The following DLL1 variants were observed in gnomAD, a reference collection of about 807,000 sequenced individuals.
DLL1 encodes the protein delta-like protein 1.
DLL1 carries 9 observed loss-of-function variants against 75.1 expected under a neutral mutation model. That is an observed-to-expected ratio of 0.12 (90% confidence interval 0.07 to 0.21). DLL1 has a LOEUF of 0.21. Ranked by LOEUF, DLL1 falls within the 10% of genes least tolerant of loss-of-function variation. The probability of loss-of-function intolerance (pLI) is 1.00; values close to 1 mark genes in which losing one functional copy is unlikely to be tolerated. For synonymous variants in DLL1, 477 were observed against 418.3 expected (o/e 1.14, Z -1.71); for missense variants, 837 against 1,007.6 (o/e 0.83, Z 2.29).
At chr6:170,284,889 T>C in intron 8 of DLL1, 30 bp downstream of exon 8, 1 of 1,607,856 alleles carries the variant, frequency 6.2e-7, no homozygotes, top group East Asian at 2.2e-5. Context: ...CTCGCCCGAG[T>C]CTCTGAGCAA....
In DLL1 at chr6:170,290,626, G is replaced by C. The variant is rs1358265350; in HGVS notation, c.-487C>G. ...AATCCCACGGGCAAGGCGATAATCCGGGGCCAGCGGCGCGCGCTGAGGGGA... is the reference window on the plus strand; with the variant it reads ...AATCCCACGGGCAAGGCGATAATCCCGGGCCAGCGGCGCGCGCTGAGGGGA... On this transcript the variant is annotated 5_prime_UTR_variant, in exon 1 of 11. Transcript: ENST00000366756. This position sits in a 1 kb window ranked among gnomAD's most constrained non-coding sequence, Gnocchi z 4.7. The C allele has an allele frequency of 7.8e-6, 2 of 255,532 alleles. No individual in the cohort carries two copies. Among genetic ancestry groups the C allele is most frequent in the Non-Finnish European group, 1.5e-5 (2 of 136,864 alleles). 15.8% of individuals were successfully genotyped at this position (255,532 alleles called of 1,614,324 possible).
Position 170,288,646 on chromosome 6 carries a change from C to G in DLL1, c.412+83G>C, listed in dbSNP as rs1428825021. The G allele has an allele frequency of 1.9e-6, 3 of 1,608,462 alleles. No homozygotes were observed. In the African/African-American group the frequency reaches 4.0e-5, roughly 22 times the overall value. On this transcript the variant is annotated intron_variant, in intron 3 of 10. Coordinates refer to ENST00000366756, the MANE Select transcript of DLL1 (RefSeq NM_005618.4). ...GGGCACGTGCAGAATGAAAGCTGTC[C>G]GGGTTTGGCTGGGGGATGGGTGGGC...
intron 4 of DLL1, among the ~76,000 whole-genome samples, chr6:170,287,677 C>T (rs1185971403): frequency 6.6e-6 from 1 of 152,236 alleles, no homozygotes; most frequent in Non-Finnish European, 1.5e-5. Context: ...CCACACAGGC[C>T]TTGGAGACCT....
Position 170,290,945 on chromosome 6 carries a change from T to C in DLL1, c.-806A>G, listed in dbSNP as rs1783852277. On this transcript the variant is annotated 5_prime_UTR_variant, in exon 1 of 11. Transcript: ENST00000366756. The surrounding 1 kb of genome is among the most constrained non-coding windows in gnomAD (Gnocchi z 4.7). ...AGAGGATCTGGCTCTCGCCGGCGCC[T>C]GCCGCCCTTATATTCAGCCGGCCGC... The C allele has an allele frequency of 1.4e-6, 1 of 699,404 alleles. No homozygotes were observed. Among genetic ancestry groups the C allele is most frequent in the African/African-American group, 1.7e-5 (1 of 57,166 alleles). The allele number at this position is 699,404 out of a possible 1,614,324, so 43.3% of individuals were successfully genotyped here.
Position 170,290,281 on chromosome 6 carries a change from T to G in DLL1, c.-142A>C. On this transcript the variant is annotated 5_prime_UTR_variant, in exon 1 of 11. Transcript: ENST00000366756. The surrounding 1 kb of genome is among the most constrained non-coding windows in gnomAD (Gnocchi z 4.7). ...CGCCCCAGACCGCAGGACCCAGGAC[T>G]TCTTTCTTTAAAAGCCGGTCTCCGC... 3.4e-6 allele frequency: 3 copies of G among 885,968 alleles called. No homozygotes were observed. The highest frequency in any genetic ancestry group is 4.8e-6 in the Non-Finnish European group (3 of 627,428). The allele number at this position is 885,968 out of a possible 1,614,324, so 54.9% of individuals were successfully genotyped here. A position where few individuals can be genotyped will look rare whatever the true frequency, so the allele number is the denominator to read the frequency against.
intron 5 of DLL1, 38 bp from the exon 6 acceptor site, chr6:170,285,737 G>A (rs1248801207): frequency 4.3e-6 from 7 of 1,613,720 alleles, no homozygotes; most frequent in African/African-American, 1.3e-5. Context: ...GACGTTGACT[G>A]TTGCTGGCTT....
chr6:170,289,704 C>A lies in DLL1; in HGVS notation c.159G>T (p.Pro53=), dbSNP rs1301085452. The A allele has an allele frequency of 4.5e-6, 7 of 1,548,194 alleles. No individual in the cohort carries two copies. The highest frequency in any genetic ancestry group is 6.1e-6 in the Non-Finnish European group (7 of 1,146,592). ...NCCRGGAGPP[P]CACRTFFRVC... ...CGCGGAAGAAGGTCCGGCAGGCGCA[C>A]GGCGGTGGCCCCGCGCCCCCGCGGC... The change falls in exon 2 of 11, where the codon CCG becomes CCT. Residue 53 remains proline (P), a synonymous_variant. Transcript: ENST00000366756.
rs200534193 is a variant in DLL1 at position 170,282,939 on chromosome 6, C to T, written c.2166+49G>A. The T allele has an allele frequency of 1.8e-3, 2,965 of 1,614,118 alleles. 2 individuals are homozygous for T. The highest frequency in any genetic ancestry group is 2.4e-3 in the Non-Finnish European group (2,800 of 1,180,040). ...GAGACCGATTCCCGTGCTCCAGCTT[C>T]AGGTGCTCCCATGCCGAGGAGGAGG... On this transcript the variant is annotated intron_variant, in intron 10 of 10. Transcript: ENST00000366756.
Position 170,290,257 on chromosome 6 carries a change from G to A in DLL1, c.-118C>T. On this transcript the variant is annotated 5_prime_UTR_variant, in exon 1 of 11. Coordinates refer to ENST00000366756, the MANE Select transcript of DLL1 (RefSeq NM_005618.4). The surrounding 1 kb of genome is among the most constrained non-coding windows in gnomAD (Gnocchi z 4.7). ...GTGGGCAGAAAAGCGCCCTTGCCTC[G>A]CCCCAGACCGCAGGACCCAGGACTT... 2.5e-6 allele frequency: 3 copies of A among 1,198,736 alleles called. No homozygotes were observed. Among genetic ancestry groups the A allele is most frequent in the East Asian group, 2.8e-5 (1 of 35,558 alleles). 74.3% of individuals were successfully genotyped at this position (1,198,736 alleles called of 1,614,324 possible). A position where few individuals can be genotyped will look rare whatever the true frequency, so the allele number is the denominator to read the frequency against.
At position 170,290,799 on chromosome 6, in the gene DLL1, C is replaced by A. The variant is rs1461991929; in HGVS notation, c.-660G>T. On this transcript the variant is annotated 5_prime_UTR_variant, in exon 1 of 11. Transcript: ENST00000366756. This position sits in a 1 kb window ranked among gnomAD's most constrained non-coding sequence, Gnocchi z 4.7. ...GTCTTTCCGATGAATCCAGCCAATG[C>A]CATCCAGTACACACGCGCAGGACCG... is the stretch of plus-strand genomic sequence containing the variant. 1 of 576,532 alleles carries A rather than the reference C, an allele frequency of 1.7e-6. No individual in the cohort carries two copies. The highest frequency in any genetic ancestry group is 3.0e-5 in the East Asian group (1 of 33,080). 35.7% of individuals were successfully genotyped at this position (576,532 alleles called of 1,614,324 possible).
In DLL1 at chr6:170,283,991, G is replaced by A. The variant is rs764997017; in HGVS notation, c.1288C>T (p.Arg430Cys). ...CVDLGDAYLC[R>C]CQAGFSGRHC... ...CTCCCCGAGAAGCCGGCCTGGCAGCGGCACAGGTAGGCATCACCGAGGTCC... is the reference window on the plus strand; with the variant it reads ...CTCCCCGAGAAGCCGGCCTGGCAGCAGCACAGGTAGGCATCACCGAGGTCC... Residue 430 changes from arginine to cysteine, a missense_variant, in exon 9 of 11, where the codon CGC becomes TGC. Around this residue, in one of 2 missense-constraint regions of DLL1, gnomAD observed 533 missense variants for 545.7 expected, o/e 0.98. Coordinates refer to ENST00000366756, the MANE Select transcript of DLL1 (RefSeq NM_005618.4). 1.0e-5 allele frequency: 16 copies of A among 1,576,696 alleles called. No individual in the cohort carries two copies. The highest frequency in any genetic ancestry group is 2.8e-5 in the African/African-American group (2 of 72,544).
Position 170,282,978 on chromosome 6 carries a change from C to T in DLL1, c.2166+10G>A. On this transcript the variant is annotated intron_variant, in intron 10 of 10. Transcript: ENST00000366756. ...CCGAGGAGGAGGGAGCGGCTGCTGC[C>T]TGCACTGACCTCAGTTGCTATGACG... The T allele has an allele frequency of 6.2e-7, 1 of 1,614,176 alleles. No individual in the cohort carries two copies. Among genetic ancestry groups the T allele is most frequent in the South Asian group, 1.1e-5 (1 of 91,086 alleles).
In DLL1 at chr6:170,285,687, G is replaced by T. The variant is rs1365429622; in HGVS notation, c.744C>A (p.Gly248=). The change falls in exon 6 of 11, where the codon GGC becomes GGA. Residue 248 remains glycine, a synonymous_variant. Coordinates refer to ENST00000366756, the MANE Select transcript of DLL1 (RefSeq NM_005618.4). ...DKPGECKCRV[G]WQGRYCDECI... ...ACTCGTCACAGTACCGGCCCTGCCAGCCCACTCTGCACCTTGGAGAAAAGC... is the reference window on the plus strand; with the variant it reads ...ACTCGTCACAGTACCGGCCCTGCCATCCCACTCTGCACCTTGGAGAAAAGC... 6.2e-7 allele frequency: 1 copy of T among 1,614,144 alleles called. No homozygotes were observed. The highest frequency in any genetic ancestry group is 1.7e-5 in the Admixed American group (1 of 60,026).
intron 2 of DLL1, chr6:170,289,070 G>C: frequency 1.7e-6 from 1 of 594,210 alleles, no homozygotes; most frequent in Middle Eastern, 3.4e-4. Context: ...GAGAATGCAG[G>C]CAGGATGGGG....
At position 170,282,882 on chromosome 6, in the gene DLL1, G is replaced by A. The variant is rs781639513; in HGVS notation, c.2167-3C>T. On this transcript the variant is annotated splice_polypyrimidine_tract_variant and splice_region_variant and intron_variant, in intron 10 of 10. Transcript: ENST00000366756. ...GCCATCTCACTTCCATTTTACACCT[G>A]GGGGGCCACAAGACAAATGGGAAGT... The A allele has an allele frequency of 9.9e-6, 16 of 1,610,082 alleles. No homozygotes were observed. The highest frequency in any genetic ancestry group is 1.3e-5 in the African/African-American group (1 of 74,892).
chr6:170,285,390 T>G lies in DLL1; in HGVS notation c.896A>C (p.Lys299Thr), dbSNP rs1298649963. 1 of 1,614,112 alleles carries G rather than the reference T, an allele frequency of 6.2e-7. No individual in the cohort carries two copies. The highest frequency in any genetic ancestry group is 8.5e-7 in the Non-Finnish European group (1 of 1,180,038). ...CGTGTTGGTGCAGGTGGCTCCATTCTTGCAGGGCTTATGGTGTGTGCAGTA... is the reference window on the plus strand; with the variant it reads ...CGTGTTGGTGCAGGTGGCTCCATTCGTGCAGGGCTTATGGTGTGTGCAGTA... Reference protein sequence around the residue: ...LNYCTHHKPCKNGATCTNTGQ... With the variant: ...LNYCTHHKPCTNGATCTNTGQ... The change falls in exon 7 of 11, where the codon AAG (lysine) becomes ACG (threonine). Residue 299 changes from lysine to threonine, a missense_variant. Around this residue, in one of 2 missense-constraint regions of DLL1, gnomAD observed 304 missense variants for 461.9 expected, o/e 0.66. Transcript: ENST00000366756.
At chr6:170,286,206 A>G (rs1409433817) in intron 5 of DLL1, 32 bp downstream of exon 5, 3 of 1,613,988 alleles carry the variant, frequency 1.9e-6, no homozygotes, top group Non-Finnish European at 1.7e-6. Flanking sequence ...AGAAAAGGCA[A>G]CAAAACAAAA....
At chr6:170,289,347 G>A in intron 2 of DLL1, 165 bp downstream of exon 2, 1 of 1,175,382 alleles carries the variant, frequency 8.5e-7, no homozygotes, top group Non-Finnish European at 1.2e-6. Context: ...TGTCCGCGCT[G>A]CTGGGCTGGA....
At position 170,289,815 on chromosome 6, in the gene DLL1, G is replaced by A. The variant is rs750221801; in HGVS notation, c.55-7C>T. On this transcript the variant is annotated splice_polypyrimidine_tract_variant and splice_region_variant and intron_variant, in intron 1 of 10. Coordinates refer to ENST00000366756, the MANE Select transcript of DLL1 (RefSeq NM_005618.4). The stretch of plus-strand genomic sequence containing the variant: ...ACACCCCAGAGCTCCAGACCTGCAC[G>A]GGGGAGGGCGGGGGCGTGAGGACGC... 1.4e-5 allele frequency: 21 copies of A among 1,552,638 alleles called. No homozygotes were observed. The South Asian group carries it at 2.1e-4, about 16-fold the overall frequency.
Sources: gnomAD v4.1 joint callset for allele counts (sites outside exome capture counted in the v4.1 genomes callset) on GRCh38, gnomAD v4.1.1 for gene constraint, gnomAD v4.1.1 regional missense constraint, Gnocchi (gnomAD v3.1) non-coding constraint, MANE v1.5 for transcripts, NCBI Gene and HGNC (gene_info 2026-07-23, HGNC 2026-07-21) for gene names.